Variants in KGD4 observed in about 807,000 individuals in gnomAD.
The protein encoded by KGD4 is alpha-ketoglutarate dehydrogenase component 4.
At chr5:69,217,860 AG>A in the KGD4 span, 6 of 1,613,882 alleles carry the variant, frequency 3.7e-6, no homozygotes, top group Non-Finnish European at 5.1e-6. Context: ...GTCTGCTAGT[AG>A]GGTCGTTCAG....
At chr5:69,228,289 A>T in the KGD4 span, 4 of 1,610,186 alleles carry the variant, frequency 2.5e-6, no homozygotes, top group Non-Finnish European at 1.7e-6. Flanking sequence ...AGATTTGCTG[A>T]TGTATCAGGG....
the KGD4 span, chr5:69,229,476 ATTTACTC>A: frequency 5.8e-6 from 2 of 347,214 alleles, no homozygotes; most frequent in Non-Finnish European, 1.0e-5. Context: ...TAGCCTATTA[ATTTACTC>A]TTGATTATCA....
At chr5:69,217,978 G>A in the KGD4 span, 3 of 1,583,084 alleles carry the variant, frequency 1.9e-6, no homozygotes, top group Non-Finnish European at 1.7e-6. Flanking sequence ...CGGTGACCGC[G>A]CCTCTGCGGA....
chr5:69,219,799 T>C, the KGD4 span, among the ~76,000 whole-genome samples: 2 of 152,314 alleles, frequency 1.3e-5, no homozygotes, highest in East Asian at 1.9e-4. Context: ...CACCCCAGCC[T>C]GTGTAACAGA....
the KGD4 span, among the ~76,000 whole-genome samples, chr5:69,222,926 C>T: frequency 2.6e-5 from 4 of 151,790 alleles, no homozygotes; most frequent in Non-Finnish European, 5.9e-5. Context: ...CAGGCGCCCA[C>T]CACCACGCCC....
At chr5:69,229,271 A>T in the KGD4 span, 1 of 1,544,850 alleles carries the variant, frequency 6.5e-7, no homozygotes, top group Non-Finnish European at 8.9e-7. Flanking sequence ...TTGTCTTTAC[A>T]ATAAAGGACT....
the KGD4 span, among the ~76,000 whole-genome samples, chr5:69,223,379 G>A: frequency 7.9e-5 from 12 of 151,864 alleles, no homozygotes; most frequent in Admixed American, 1.3e-4. Flanking sequence ...ATGCCCGGCC[G>A]AGAAGTTTTT....
At chr5:69,226,302 T>C in the KGD4 span, 14 of 1,404,838 alleles carry the variant, frequency 1.0e-5, no homozygotes, top group Non-Finnish European at 1.4e-5. Context: ...TTTTAGTTAA[T>C]GAGATTGTTT....
the KGD4 span, among the ~76,000 whole-genome samples, chr5:69,219,400 G>C: frequency 2.0e-5 from 3 of 152,184 alleles, no homozygotes; most frequent in Admixed American, 2.0e-4. Context: ...CTGGCAGCAG[G>C]AGTGTGGCAT....
At chr5:69,219,200 G>T in the KGD4 span, among the ~76,000 whole-genome samples, 2 of 152,192 alleles carry the variant, frequency 1.3e-5, no homozygotes, top group South Asian at 4.1e-4. Flanking sequence ...AATATAAAAT[G>T]TTATAGCCAC....
chr5:69,220,240 A>G, the KGD4 span, among the ~76,000 whole-genome samples: 1 of 151,946 alleles, frequency 6.6e-6, no homozygotes, highest in East Asian at 1.9e-4. Flanking sequence ...AAAAAAAAAC[A>G]AAAAAACATA....
chr5:69,217,808 A>G, the KGD4 span: 559 of 1,613,048 alleles, frequency 3.5e-4, 1 homozygote, highest in Non-Finnish European at 3.9e-4. Context: ...CGCGCCCCGG[A>G]AACTGCCCCT....
chr5:69,220,381 C>T, the KGD4 span, among the ~76,000 whole-genome samples: 1 of 152,248 alleles, frequency 6.6e-6, no homozygotes, highest in African/African-American at 2.4e-5. Context: ...GCCAGCTGGG[C>T]ACGGTGGCTC....
chr5:69,220,458 T>G, the KGD4 span, among the ~76,000 whole-genome samples: 2 of 151,656 alleles, frequency 1.3e-5, no homozygotes, highest in East Asian at 1.9e-4. Flanking sequence ...AGTTCAAGAT[T>G]AGCCTAGGCA....
the KGD4 span, among the ~76,000 whole-genome samples, chr5:69,225,755 A>T: frequency 6.6e-6 from 1 of 151,372 alleles, no homozygotes; most frequent in Non-Finnish European, 1.5e-5. Context: ...TAATTTTTGT[A>T]TTTTTAGTAG....
the KGD4 span, chr5:69,229,107 GATTACT>G: frequency 1.2e-6 from 1 of 828,940 alleles, no homozygotes; most frequent in Non-Finnish European, 1.9e-6. Context: ...AAAAACCAAA[GATTACT>G]TACTGAAGAT....
the KGD4 span, among the ~76,000 whole-genome samples, chr5:69,220,656 C>A: frequency 6.6e-6 from 1 of 152,126 alleles, no homozygotes; most frequent in Non-Finnish European, 1.5e-5. Flanking sequence ...GAAGTGACAG[C>A]CTTTCTGCAG....
chr5:69,226,321 T>A, the KGD4 span: 1 of 1,566,158 alleles, frequency 6.4e-7, no homozygotes, highest in South Asian at 1.1e-5. Flanking sequence ...TTTTCATGCA[T>A]ATTACTTTTC....
chr5:69,224,226 A>G, the KGD4 span, among the ~76,000 whole-genome samples: 3 of 151,934 alleles, frequency 2.0e-5, no homozygotes, highest in Non-Finnish European at 4.4e-5. Context: ...CTCCATATCT[A>G]CTAAAAATAC....
Sources: allele counts gnomAD v4.1 joint callset (sites outside exome capture counted in the v4.1 genomes callset), GRCh38; gene constraint gnomAD v4.1.1; transcripts MANE v1.5; gene names NCBI Gene and HGNC (gene_info 2026-07-23, HGNC 2026-07-21).